The following SLC15A5 variants were observed in gnomAD, a reference collection of about 807,000 sequenced individuals.
SLC15A5 encodes the protein solute carrier family 15 member 5, also known as Peptide/histidine transporter ENSP00000340402.
Under a neutral mutation model 56.1 loss-of-function variants are expected in SLC15A5, and 58 were observed. The observed-to-expected ratio is 1.03, with a 90% CI of 0.84 to 1.29. SLC15A5 has a LOEUF of 1.29. Ranked by LOEUF, SLC15A5 falls within the 50% of genes most tolerant of loss-of-function variation. SLC15A5 has a pLI of 0.00. For missense variants in SLC15A5, 681 were observed against 672.1 expected (o/e 1.01, Z -0.15); for synonymous variants, 264 against 250.5 (o/e 1.05, Z -0.51).
At chr12:16,252,584 TAAACTTAACGAAG>T (rs1864530367) in intron 3 of SLC15A5, among the ~76,000 whole-genome samples, 1 of 151,916 alleles carries the variant, frequency 6.6e-6, no homozygotes, top group Admixed American at 6.6e-5. Context: ...TACTTAGAAA[TAAACTTAACGAAG>T]AAGGTGAAAG....
chr12:16,264,649 T>C (rs1864675872), intron 2 of SLC15A5, among the ~76,000 whole-genome samples: 1 of 152,194 alleles, frequency 6.6e-6, no homozygotes, highest in African/African-American at 2.4e-5. Context: ...TTTCCACATG[T>C]TGTGGGAGGG....
intron 7 of SLC15A5, among the ~76,000 whole-genome samples, chr12:16,214,695 A>G (rs1460274755): frequency 6.6e-6 from 1 of 151,968 alleles, no homozygotes; most frequent in African/African-American, 2.4e-5. Flanking sequence ...CACTTTTGGA[A>G]CCCTCCCAGA....
At chr12:16,250,740 T>C (rs1864511583) in intron 3 of SLC15A5, among the ~76,000 whole-genome samples, 1 of 151,844 alleles carries the variant, frequency 6.6e-6, no homozygotes, top group Non-Finnish European at 1.5e-5. Flanking sequence ...TATGAAGGGG[T>C]CAGAGAGGTA....
At chr12:16,272,024 C>T (rs747521374) in intron 2 of SLC15A5, among the ~76,000 whole-genome samples, 1 of 152,130 alleles carries the variant, frequency 6.6e-6, no homozygotes, top group Admixed American at 6.6e-5. Flanking sequence ...TCTGCATTGG[C>T]CTAGAAATTT....
chr12:16,264,572 G>C (rs932901767), intron 2 of SLC15A5, among the ~76,000 whole-genome samples: 2 of 152,108 alleles, frequency 1.3e-5, no homozygotes, highest in African/African-American at 4.8e-5. Flanking sequence ...TTTGGGAGGG[G>C]CCAGAGGCAG....
intron 6 of SLC15A5, among the ~76,000 whole-genome samples, chr12:16,220,516 A>G (rs1864175423): frequency 6.6e-6 from 1 of 152,210 alleles, no homozygotes; most frequent in Non-Finnish European, 1.5e-5. Flanking sequence ...ACCTCAGACC[A>G]GTGGTTGGCC....
intron 1 of SLC15A5, among the ~76,000 whole-genome samples, chr12:16,273,079 A>G (rs1317218408): frequency 6.6e-6 from 1 of 152,084 alleles, no homozygotes; most frequent in Non-Finnish European, 1.5e-5. Flanking sequence ...CAAAATTAAA[A>G]TAACTCAGGA....
In SLC15A5 at chr12:16,224,520, C is replaced by T. The variant is rs1372551145; in HGVS notation, c.1245G>A (p.Glu415=). 6.5e-7 allele frequency: 1 copy of T among 1,537,026 alleles called. No homozygotes were observed. Among genetic ancestry groups the T allele is most frequent in the African/African-American group, 1.4e-5 (1 of 73,002 alleles). ...EIHRKHFPAV[E]QPLSGKVLTV... ...TGAGAACTTTTCCTGAAAGGGGCTGCTCCACTGCAGGGAAATGTTTTCGGT... is the reference window on the plus strand; with the variant it reads ...TGAGAACTTTTCCTGAAAGGGGCTGTTCCACTGCAGGGAAATGTTTTCGGT... The change falls in exon 6 of 9, where the codon GAG becomes GAA. Residue 415 remains glutamate, a synonymous_variant. Transcript: ENST00000344941.
chr12:16,216,579 T>C (rs551017510), intron 7 of SLC15A5, among the ~76,000 whole-genome samples: 42 of 152,310 alleles, frequency 2.8e-4, no homozygotes, highest in African/African-American at 1.0e-3. Flanking sequence ...GAGGACTGTC[T>C]ATGCCAGCTG....
Position 16,243,123 on chromosome 12 carries a change from C to T in SLC15A5, c.975+1457G>A, listed in dbSNP as rs12820601. Among the ~76,000 whole-genome samples, 7,742 of 152,022 alleles carry T rather than the reference C, an allele frequency of 0.051. 298 individuals carry two copies. The highest frequency in any genetic ancestry group is 0.082 in the Non-Finnish European group (5,578 of 67,984). On this transcript the variant is annotated intron_variant, in intron 4 of 8. Transcript: ENST00000344941. The surrounding 1 kb of genome is among the most constrained non-coding windows in gnomAD (Gnocchi z 4.4). ...TTTTGTGCATAAGCAGACATAGATA[C>T]GACAAAACAAAGAGCATGGCTATGT...
At chr12:16,222,591 T>C (rs1373477802) in intron 6 of SLC15A5, among the ~76,000 whole-genome samples, 1 of 152,240 alleles carries the variant, frequency 6.6e-6, no homozygotes, top group Non-Finnish European at 1.5e-5. Flanking sequence ...TTTCAGTCCC[T>C]GGTCCATTAT....
chr12:16,195,342 G>A lies in SLC15A5; in HGVS notation c.1484-889C>T, dbSNP rs374063140. Reference sequence around the variant, plus strand: ...TATAATGCACTATTTTATGAATATTGTATATGTGATACTTAATTTTAGGCA... The same window carrying A: ...TATAATGCACTATTTTATGAATATTATATATGTGATACTTAATTTTAGGCA... On this transcript the variant is annotated intron_variant, in intron 7 of 8. Coordinates refer to ENST00000344941, the MANE Select transcript of SLC15A5 (RefSeq NM_001170798.1). Among the ~76,000 whole-genome samples the A allele has an allele frequency of 1.4e-4, 21 of 151,992 alleles. 1 individual carries two copies. In the East Asian group the frequency reaches 1.7e-3, roughly 13 times the overall value.
At chr12:16,257,895 T>A in intron 2 of SLC15A5, 25 bp from the exon 3 acceptor site, 1 of 1,382,072 alleles carries the variant, frequency 7.2e-7, no homozygotes, top group Non-Finnish European at 9.3e-7. Flanking sequence ...CAGACAAAAA[T>A]AAAAATACCA....
Position 16,217,816 on chromosome 12 carries a change from T to C in SLC15A5, c.1352-792A>G, listed in dbSNP as rs146197939. On this transcript the variant is annotated intron_variant, in intron 6 of 8. Coordinates refer to ENST00000344941, the MANE Select transcript of SLC15A5 (RefSeq NM_001170798.1). ...AGAGAGAGAGACAATAGCTTAAGCA[T>C]TGGTTCTCCAAAGTGGTTATCTTTC... 2.4e-4 allele frequency among the ~76,000 whole-genome samples: 37 copies of C among 152,238 alleles called. 1 individual carries two copies. In the East Asian group the frequency reaches 5.4e-3, roughly 22 times the overall value.
chr12:16,207,644 T>A (rs1008558524), intron 7 of SLC15A5, among the ~76,000 whole-genome samples: 1 of 151,798 alleles, frequency 6.6e-6, no homozygotes, highest in Non-Finnish European at 1.5e-5. Context: ...CCAGCGATAT[T>A]TTTTTTTCTT....
chr12:16,221,354 A>C (rs1864186462), intron 6 of SLC15A5, among the ~76,000 whole-genome samples: 1 of 152,198 alleles, frequency 6.6e-6, no homozygotes, highest in South Asian at 2.1e-4. Context: ...AAAGTGATGG[A>C]ATGCTCAAGG....
At chr12:16,226,900 A>C (rs984980658) in intron 5 of SLC15A5, among the ~76,000 whole-genome samples, 18 of 152,230 alleles carry the variant, frequency 1.2e-4, no homozygotes, top group Non-Finnish European at 7.3e-5. Flanking sequence ...TGAAATTTTC[A>C]GATAGTCACA....
Position 16,271,926 on chromosome 12 carries a change from G to GT in SLC15A5, c.584+634dup, listed in dbSNP as rs2136824944. 1.3e-5 allele frequency among the ~76,000 whole-genome samples: 2 copies of GT among 152,270 alleles called. No individual in the cohort carries two copies. The highest frequency in any genetic ancestry group is 4.1e-4 in the South Asian group (2 of 4,834). Reference sequence around the variant, plus strand: ...TTTCATGGAATATAAACTCTTTTAGGTGTTGGGAGCGAACTGGGTGAGAAA... The same window carrying GT: ...TTTCATGGAATATAAACTCTTTTAGGTTGTTGGGAGCGAACTGGGTGAGAAA... On this transcript the variant is annotated intron_variant, in intron 2 of 8. Coordinates refer to ENST00000344941, the MANE Select transcript of SLC15A5 (RefSeq NM_001170798.1). This position sits in a 1 kb window ranked among gnomAD's most constrained non-coding sequence, Gnocchi z 8.0.
chr12:16,213,502 G>C (rs1864102708), intron 7 of SLC15A5, among the ~76,000 whole-genome samples: 1 of 152,062 alleles, frequency 6.6e-6, no homozygotes, highest in South Asian at 2.1e-4. Context: ...AGAACATAGT[G>C]ATCAATAGAT....
Sources: gnomAD v4.1 joint callset for allele counts (sites outside exome capture counted in the v4.1 genomes callset) on GRCh38, gnomAD v4.1.1 for gene constraint, Gnocchi (gnomAD v3.1) non-coding constraint, MANE v1.5 for transcripts, NCBI Gene and HGNC (gene_info 2026-07-23, HGNC 2026-07-21) for gene names.